The following PCDHA5 variants were observed in gnomAD, a reference collection of about 807,000 sequenced individuals.
The protein encoded by PCDHA5 is protocadherin alpha 5, also known as protocadherin alpha-5.
PCDHA5 carries 43 observed loss-of-function variants against 61.6 expected under a neutral mutation model. That is an observed-to-expected ratio of 0.70 (90% CI 0.55 to 0.90). The LOEUF (loss-of-function observed/expected upper bound fraction) is 0.90, where lower values mean the gene tolerates loss of function less well. Among genes scored for constraint, PCDHA5 ranks in the 40% least tolerant of loss-of-function variants. The probability of loss-of-function intolerance (pLI) is 0.00; values close to 1 mark genes in which losing one functional copy is unlikely to be tolerated. For missense variants in PCDHA5, 1,298 were observed against 1,222.7 expected, an observed-to-expected ratio of 1.06 and a Z score of -0.92; for synonymous variants, 627 against 543.9, an observed-to-expected ratio of 1.15 and a Z score of -2.13.
At chr5:140,842,766 C>A (rs2150343854) in intron 1 of PCDHA5, 6 of 1,594,742 alleles carry the variant, frequency 3.8e-6, no homozygotes, top group Non-Finnish European at 5.1e-6. Context: ...GCGCGAGACG[C>A]GGACGCGCAG....
At chr5:140,884,549 G>C (rs782470468) in intron 1 of PCDHA5, 2 of 1,614,016 alleles carry the variant, frequency 1.2e-6, no homozygotes, top group Non-Finnish European at 1.7e-6. Flanking sequence ...GGTGTGCTCT[G>C]GGGAGGGCCC....
rs782328804 is a variant in PCDHA5, at chr5:140,882,548, G to A, written c.2352+58421G>A. The A allele has an allele frequency of 5.3e-5, 86 of 1,614,126 alleles. No homozygotes were observed. The highest frequency in any genetic ancestry group is 4.9e-4 in the East Asian group (22 of 44,902). ...TGTGAATTCTCGGATCGACCGCGAG[G>A]AGCTGTGTGGGCGGAGCGCGGAGTG... On this transcript the variant is annotated intron_variant, in intron 1 of 3. Transcript: ENST00000529859.
intron 3 of PCDHA5, among the ~76,000 whole-genome samples, chr5:140,994,729 A>G (rs1382639837): frequency 6.6e-6 from 1 of 152,180 alleles, no homozygotes; most frequent in Non-Finnish European, 1.5e-5. Flanking sequence ...AATACTGGGT[A>G]TTGCAGGATG....
rs782163731 is a variant in PCDHA5, at chr5:140,869,573, C to A, written c.2352+45446C>A. 8 of 1,614,154 alleles carry A rather than the reference C, an allele frequency of 5.0e-6. No homozygotes were observed. In the East Asian group the frequency reaches 1.8e-4, roughly 36 times the overall value. ...GACTCGCGTTTTCCACTAGAGGGAG[C>A]TTCTGATGCTGACATTGAAGAGAAT... On this transcript the variant is annotated intron_variant, in intron 1 of 3. Coordinates refer to ENST00000529859, the MANE Select transcript of PCDHA5 (RefSeq NM_018908.3).
intron 1 of PCDHA5, chr5:140,857,508 C>A: frequency 6.3e-7 from 1 of 1,598,226 alleles, no homozygotes; most frequent in African/African-American, 1.3e-5. Flanking sequence ...CAGGAGAACG[C>A]CCTGGTGTCC....
intron 1 of PCDHA5, among the ~76,000 whole-genome samples, chr5:140,918,244 T>A (rs1554198493): frequency 6.6e-6 from 1 of 152,236 alleles, no homozygotes; most frequent in Non-Finnish European, 1.5e-5. Context: ...TGATTTTGTA[T>A]GCTGAAACTT....
chr5:140,921,941 A>G (rs1294349868), intron 1 of PCDHA5, among the ~76,000 whole-genome samples: 1 of 152,068 alleles, frequency 6.6e-6, no homozygotes, highest in Non-Finnish European at 1.5e-5. Context: ...ATAATTTTAC[A>G]CTTGTAAAAT....
At chr5:140,863,033 C>T (rs1554157551) in intron 1 of PCDHA5, 1 of 557,426 alleles carries the variant, frequency 1.8e-6, no homozygotes, top group Admixed American at 1.9e-5. Context: ...GCAACAGCTG[C>T]ATCTGTCAGC....
intron 1 of PCDHA5, chr5:140,869,302 G>C (rs985203011): frequency 6.2e-7 from 1 of 1,613,642 alleles, no homozygotes; most frequent in Admixed American, 1.7e-5. Context: ...GTTCCGGGTG[G>C]CGTCCAAAAC....
rs781889029 is a variant in PCDHA5 at position 140,870,331 on chromosome 5, AGCGCCCTGGACC to A, written c.2352+46208_2352+46219del. The A allele has an allele frequency of 4.3e-6, 7 of 1,614,160 alleles. No homozygotes were observed. The South Asian group carries it at 7.7e-5, about 18-fold the overall frequency. Reference sequence around the variant, plus strand: ...GAATTACTACTCGTTGGTGCTGGACAGCGCCCTGGACCGCGAGAACGTGTGGGCCTATGAACT... The same window carrying A: ...GAATTACTACTCGTTGGTGCTGGACAGCGAGAACGTGTGGGCCTATGAACT... On this transcript the variant is annotated intron_variant, in intron 1 of 3. Coordinates refer to ENST00000529859, the MANE Select transcript of PCDHA5 (RefSeq NM_018908.3).
chr5:140,896,782 T>C (rs2065751809), intron 1 of PCDHA5, among the ~76,000 whole-genome samples: 1 of 152,206 alleles, frequency 6.6e-6, no homozygotes, highest in African/African-American at 2.4e-5. Context: ...AGTTTGCTGA[T>C]ATTTTCTCCC....
At chr5:140,850,202 G>A in intron 1 of PCDHA5, 3 of 1,593,648 alleles carry the variant, frequency 1.9e-6, no homozygotes, top group Non-Finnish European at 2.6e-6. Flanking sequence ...TGACACCTCG[G>A]ATGAGGGGCA....
chr5:140,927,159 C>T (rs782468229), intron 1 of PCDHA5: 2 of 1,614,164 alleles, frequency 1.2e-6, no homozygotes, highest in South Asian at 2.2e-5. Context: ...TGTGCAGGGC[C>T]AAAGCTGCCT....
chr5:140,935,051 C>T (rs1554210307), intron 1 of PCDHA5, among the ~76,000 whole-genome samples: 1 of 152,096 alleles, frequency 6.6e-6, no homozygotes, highest in African/African-American at 2.4e-5. Context: ...TCTGGTATTA[C>T]AAGATGTTCA....
At chr5:140,844,242 G>A (rs2150369958) in intron 1 of PCDHA5, among the ~76,000 whole-genome samples, 3,371 of 149,312 alleles carry the variant, frequency 0.023, 302 homozygotes, top group African/African-American at 0.077. Flanking sequence ...CACTATTGCC[G>A]TTTTAAGCAG....
rs2150424631 is a variant in PCDHA5 at position 140,848,919 on chromosome 5, A to G, written c.2352+24792A>G. ...CCCAGCGACACAAAAGAATCTGTTC[A>G]TCGCGGAATCCAGGCCGCTTGACTC... is the stretch of plus-strand genomic sequence containing the variant. On this transcript the variant is annotated intron_variant, in intron 1 of 3. Coordinates refer to ENST00000529859, the MANE Select transcript of PCDHA5 (RefSeq NM_018908.3). 5 of 1,608,020 alleles carry G rather than the reference A, an allele frequency of 3.1e-6. No homozygotes were observed. The South Asian group carries it at 5.5e-5, about 18-fold the overall frequency.
chr5:140,830,441 G>C (rs1251933211), intron 1 of PCDHA5: 9 of 1,608,106 alleles, frequency 5.6e-6, no homozygotes, highest in Non-Finnish European at 7.7e-6. Context: ...TATTATGATG[G>C]GTAAGGCGGA....
In PCDHA5 at chr5:140,823,993, T is replaced by G. The variant is rs1767960807; in HGVS notation, c.2218T>G (p.Cys740Gly). Residue 740 changes from cysteine (C) to glycine (G), a missense_variant, in exon 1 of 4, where the codon TGC becomes GGC. Coordinates refer to ENST00000529859, the MANE Select transcript of PCDHA5 (RefSeq NM_018908.3). ...CACACGGGGCAAGCCCACTCTGTTG[T>G]GCTCCAGCGCGGTGGGGAGCTGGTC... The part of the protein sequence containing the change: ...VCTRGKPTLL[C>G]SSAVGSWSYS... The G allele has an allele frequency of 6.2e-7, 1 of 1,613,862 alleles. No homozygotes were observed. Among genetic ancestry groups the G allele is most frequent in the Admixed American group, 1.7e-5 (1 of 59,978 alleles).
chr5:140,885,641 T>G (rs917089389), intron 1 of PCDHA5, among the ~76,000 whole-genome samples: 10 of 152,200 alleles, frequency 6.6e-5, no homozygotes, highest in Admixed American at 6.5e-4. Context: ...GCCTTCCAAG[T>G]ATTTTGGAAC....
Sources: allele counts gnomAD v4.1 joint callset (sites outside exome capture counted in the v4.1 genomes callset), GRCh38; gene constraint gnomAD v4.1.1; transcripts MANE v1.5; gene names NCBI Gene and HGNC (gene_info 2026-07-23, HGNC 2026-07-21).